AHRR: variants seen among roughly 807,000 people sequenced by gnomAD.
AHRR encodes the protein ahR repressor.
A neutral mutation model predicts 44.0 loss-of-function variants in AHRR; 28 were observed. That is an observed-to-expected ratio of 0.64 (90% CI 0.47 to 0.87). The LOEUF (loss-of-function observed/expected upper bound fraction) is 0.87, where lower values mean the gene tolerates loss of function less well. Among genes scored for constraint, AHRR ranks in the 40% least tolerant of loss-of-function variants. AHRR has a pLI of 0.00. For missense variants in AHRR, 990 were observed against 953.9 expected, an observed-to-expected ratio of 1.04 and a Z score of -0.50; for synonymous variants, 434 against 407.0, an observed-to-expected ratio of 1.07 and a Z score of -0.80.
At chr5:345,894 A>T (rs1248918016) in intron 2 of AHRR, among the ~76,000 whole-genome samples, 1 of 152,080 alleles carries the variant, frequency 6.6e-6, no homozygotes, top group Non-Finnish European at 1.5e-5. Context: ...TTGTTATGGT[A>T]AACAGTAAAG....
At chr5:429,287 A>G (rs1339437458) in intron 8 of AHRR, among the ~76,000 whole-genome samples, 1 of 139,568 alleles carries the variant, frequency 7.2e-6, no homozygotes, top group African/African-American at 2.6e-5. Context: ...CAGAGATCCA[A>G]CTTCCTCTCA....
intron 7 of AHRR, 50 bp from the exon 8 acceptor site, chr5:427,757 T>G: frequency 6.2e-7 from 1 of 1,612,034 alleles, no homozygotes; most frequent in Non-Finnish European, 8.5e-7. Context: ...GTGACCACCT[T>G]GCCAGGCCAC....
At chr5:428,067 T>G in intron 8 of AHRR, 61 bp downstream of exon 8, 1 of 1,513,626 alleles carries the variant, frequency 6.6e-7, no homozygotes, top group Non-Finnish European at 9.1e-7. Flanking sequence ...ACAAAACACC[T>G]CCACACTCAG....
chr5:376,463 G>A, intron 3 of AHRR, 147 bp from the exon 4 acceptor site: 2 of 606,350 alleles, frequency 3.3e-6, no homozygotes, highest in Non-Finnish European at 5.9e-6. Context: ...AATGCTGCGT[G>A]GCCTGCAGAG....
chr5:323,591 T>C (rs1489181507), intron 1 of AHRR, among the ~76,000 whole-genome samples: 3 of 152,208 alleles, frequency 2.0e-5, no homozygotes, highest in Non-Finnish European at 4.4e-5. Context: ...GGCCTGGTGT[T>C]CCCGGGAGCA....
At chr5:409,719 A>G (rs7737216) in intron 4 of AHRR, among the ~76,000 whole-genome samples, 3,788 of 152,134 alleles carry the variant, frequency 0.025, 154 homozygotes, top group African/African-American at 0.086. Context: ...TCCTTTATCA[A>G]TGTGCTGTGC....
chr5:395,687 G>A lies in AHRR; in HGVS notation c.352-17657G>A, dbSNP rs1340382896. On this transcript the variant is annotated intron_variant, in intron 4 of 10. Coordinates refer to ENST00000684583, the MANE Select transcript of AHRR (RefSeq NM_001377236.1). The surrounding 1 kb of genome is among the most constrained non-coding windows in gnomAD (Gnocchi z 5.3). ...GTGGTTTCTGGAAAATTCCTGAGAA[G>A]TCCCCAGGAACCAAAGTGTCCAGCA... 6.6e-6 allele frequency among the ~76,000 whole-genome samples: 1 copy of A among 152,230 alleles called. No individual in the cohort carries two copies. The highest frequency in any genetic ancestry group is 2.4e-5 in the African/African-American group (1 of 41,468).
At chr5:371,965 T>G (rs1404409959) in intron 3 of AHRR, among the ~76,000 whole-genome samples, 1 of 152,198 alleles carries the variant, frequency 6.6e-6, no homozygotes, top group African/African-American at 2.4e-5. Flanking sequence ...ATCTGGCTGC[T>G]TGCACCACTC....
At chr5:339,025 T>A (rs1359299232) in intron 1 of AHRR, among the ~76,000 whole-genome samples, 1 of 152,258 alleles carries the variant, frequency 6.6e-6, no homozygotes, top group African/African-American at 2.4e-5. Context: ...TTTATTTTTG[T>A]ATGTTATTAT....
intron 3 of AHRR, among the ~76,000 whole-genome samples, chr5:365,211 G>A (rs1429842976): frequency 6.6e-6 from 1 of 152,000 alleles, no homozygotes. Flanking sequence ...TATTTTCAAA[G>A]CCCGCATGGA....
In AHRR at chr5:337,606, AT is replaced by A. The variant is rs1429456389; in HGVS notation, c.-10-6278del. 6.6e-5 allele frequency among the ~76,000 whole-genome samples: 10 copies of A among 151,866 alleles called. No homozygotes were observed. The highest frequency in any genetic ancestry group is 2.1e-4 in the South Asian group (1 of 4,810). On this transcript the variant is annotated intron_variant, in intron 1 of 10. Coordinates refer to ENST00000684583, the MANE Select transcript of AHRR (RefSeq NM_001377236.1). This position sits in a 1 kb window ranked among gnomAD's most constrained non-coding sequence, Gnocchi z 4.1. Reference sequence around the variant, plus strand: ...ACTGTGTTGGCGTTTTATATTTTAAATTTTTTTTTATTTGAATTGAGAAACT... The same window carrying A: ...ACTGTGTTGGCGTTTTATATTTTAAATTTTTTTTATTTGAATTGAGAAACT...
intron 4 of AHRR, 47 bp from the exon 5 acceptor site, chr5:413,297 T>G: frequency 7.3e-7 from 1 of 1,371,054 alleles, no homozygotes. Context: ...TTTTTCATTT[T>G]GGGTGAGCCA....
At chr5:415,853 A>G (rs1039254000) in intron 5 of AHRR, among the ~76,000 whole-genome samples, 5 of 152,178 alleles carry the variant, frequency 3.3e-5, no homozygotes, top group Admixed American at 1.3e-4. Flanking sequence ...TCCAATTTCC[A>G]TAAGAGCTGG....
At chr5:378,213 C>G (rs1733825481) in intron 4 of AHRR, among the ~76,000 whole-genome samples, 1 of 152,310 alleles carries the variant, frequency 6.6e-6, no homozygotes, top group Non-Finnish European at 1.5e-5. Context: ...CAGCAAATCC[C>G]AGCTTTTATT....
chr5:397,705 C>T (rs1651333), intron 4 of AHRR, among the ~76,000 whole-genome samples: 1 of 138,062 alleles, frequency 7.2e-6, no homozygotes, highest in Non-Finnish European at 1.5e-5. Context: ...TCCACGTAGC[C>T]CCTGACCGTC....
chr5:431,985 A>C (rs1009958272), intron 8 of AHRR: 3 of 156,542 alleles, frequency 1.9e-5, no homozygotes, highest in Admixed American at 6.4e-5. Flanking sequence ...GCAAAAGAAA[A>C]TAGAATCTAC....
intron 2 of AHRR, among the ~76,000 whole-genome samples, chr5:346,613 G>T (rs1428513271): frequency 2.0e-5 from 3 of 152,210 alleles, no homozygotes; most frequent in Admixed American, 2.0e-4. Flanking sequence ...AGCTATGGAA[G>T]TGTCTCAACC....
At chr5:328,784 G>C (rs988200293) in intron 1 of AHRR, among the ~76,000 whole-genome samples, 4 of 151,958 alleles carry the variant, frequency 2.6e-5, no homozygotes, top group Non-Finnish European at 5.9e-5. Context: ...GTATATTCTG[G>C]TTACTACTCC....
rs914200814 is a variant in AHRR at position 342,511 on chromosome 5, T to G, written c.-10-1382T>G. ...TTAACGTTTGCATGTTGTATCTTTT[T>G]CTATCCATTTACTTTATCTACCTAA... On this transcript the variant is annotated intron_variant, in intron 1 of 10. Coordinates refer to ENST00000684583, the MANE Select transcript of AHRR (RefSeq NM_001377236.1). This position sits in a 1 kb window ranked among gnomAD's most constrained non-coding sequence, Gnocchi z 4.3. Among the ~76,000 whole-genome samples, 8 of 152,246 alleles carry G rather than the reference T, an allele frequency of 5.3e-5. No homozygotes were observed. The highest frequency in any genetic ancestry group is 1.9e-4 in the African/African-American group (8 of 41,466).
Sources: gnomAD v4.1 joint callset for allele counts (sites outside exome capture counted in the v4.1 genomes callset) on GRCh38, gnomAD v4.1.1 for gene constraint, Gnocchi (gnomAD v3.1) non-coding constraint, MANE v1.5 for transcripts, NCBI Gene and HGNC (gene_info 2026-07-23, HGNC 2026-07-21) for gene names.